Variants in DCST1 observed in about 807,000 individuals in gnomAD.
DCST1 encodes E3 ubiquitin-protein ligase DCST1.
DCST1 carries 78 observed loss-of-function variants against 89.1 expected under a neutral mutation model. That is an observed-to-expected ratio of 0.88 (90% CI 0.73 to 1.06). The LOEUF (loss-of-function observed/expected upper bound fraction) is 1.06. DCST1 is among the 50% of genes least tolerant of loss of function. The probability of loss-of-function intolerance (pLI) is 0.00; values close to 1 mark genes in which losing one functional copy is unlikely to be tolerated. For synonymous variants in DCST1, 364 were observed against 371.9 expected (o/e 0.98, Z 0.24); for missense variants, 900 against 928.6 (o/e 0.97, Z 0.40).
Position 155,034,554 on chromosome 1 carries a change from G to A in DCST1, c.181G>A (p.Ala61Thr). 1 of 1,613,772 alleles carries A rather than the reference G, an allele frequency of 6.2e-7. No individual in the cohort carries two copies. The highest frequency in any genetic ancestry group is 8.5e-7 in the Non-Finnish European group (1 of 1,180,024). Residue 61 changes from alanine to threonine, a missense_variant, in exon 3 of 17, where the codon GCC becomes ACC. Ala to Thr is a moderately conservative substitution (Grantham distance 58, BLOSUM62 0). Coordinates refer to ENST00000295542, the MANE Select transcript of DCST1 (RefSeq NM_152494.4). ...LLGAGAGGLL[A>T]IGLFQLLVNP... is the part of the protein sequence containing the mutation. ...GGGGGCAGGCGCTGGGGGGCTCCTG[G>A]CCATAGGTGAGTGTGGAAGCAGAAA... is the stretch of plus-strand genomic sequence containing the variant.
Position 155,049,777 on chromosome 1 carries a change from G to GA in DCST1, c.1870-834dup, listed in dbSNP as rs557461578. 2.6e-5 allele frequency among the ~76,000 whole-genome samples: 4 copies of GA among 152,076 alleles called. No homozygotes were observed. In the East Asian group the frequency reaches 5.8e-4, roughly 22 times the overall value. ...AATAGGGGCCAAATGAATGTGTTGT[G>GA]AAAAAATGAAAAACAAAAAACAAAA... On this transcript the variant is annotated intron_variant, in intron 16 of 16. Coordinates refer to ENST00000295542, the MANE Select transcript of DCST1 (RefSeq NM_152494.4).
chr1:155,039,388 G>A lies in DCST1; in HGVS notation c.263-15G>A. The stretch of plus-strand genomic sequence containing the variant: ...TCCTCACTTCAGCTCACCACCTCCT[G>A]GGCTCTCCTGACAGGCTTGGGGGCC... On this transcript the variant is annotated splice_polypyrimidine_tract_variant and intron_variant, in intron 4 of 16. Transcript: ENST00000295542. The A allele has an allele frequency of 6.5e-7, 1 of 1,546,284 alleles. No homozygotes were observed. Among genetic ancestry groups the A allele is most frequent in the Non-Finnish European group, 8.7e-7 (1 of 1,144,352 alleles).
intron 1 of DCST1, 42 bp downstream of exon 1, chr1:155,033,896 A>G: frequency 7.6e-7 from 1 of 1,308,376 alleles, no homozygotes; most frequent in Non-Finnish European, 1.1e-6. Context: ...GAGCAGAAGG[A>G]TTAAAAGGCC....
chr1:155,037,192 A>G (rs1378977594), intron 4 of DCST1, among the ~76,000 whole-genome samples: 1 of 151,746 alleles, frequency 6.6e-6, no homozygotes, highest in Non-Finnish European at 1.5e-5. Flanking sequence ...CTCTCCCAGG[A>G]GCTCTCCCTC....
intron 4 of DCST1, among the ~76,000 whole-genome samples, chr1:155,038,076 G>A (rs897945136): frequency 6.6e-6 from 1 of 152,256 alleles, no homozygotes; most frequent in Non-Finnish European, 1.5e-5. Flanking sequence ...GGTGGCACCC[G>A]ACAGGGTTTG....
At chr1:155,050,203 G>C (rs1435796465) in intron 16 of DCST1, among the ~76,000 whole-genome samples, 1 of 152,226 alleles carries the variant, frequency 6.6e-6, no homozygotes, top group Admixed American at 6.5e-5. Flanking sequence ...TTGTGGTTTG[G>C]AATCAGGGCC....
chr1:155,044,908 G>T (rs1295114054), intron 10 of DCST1, among the ~76,000 whole-genome samples: 1 of 152,216 alleles, frequency 6.6e-6, no homozygotes, highest in Non-Finnish European at 1.5e-5. Context: ...GCTTGAGATG[G>T]TGGGGGAAGG....
intron 10 of DCST1, chr1:155,045,427 C>T (rs1660586526): frequency 9.4e-6 from 2 of 212,226 alleles, no homozygotes; most frequent in African/African-American, 2.3e-5. Context: ...GAGTTTTGCC[C>T]CAGCACACTT....
chr1:155,042,968 G>A, intron 9 of DCST1, 112 bp downstream of exon 9: 1 of 1,474,792 alleles, frequency 6.8e-7, no homozygotes, highest in Non-Finnish European at 9.1e-7. Context: ...GAGGTGACCA[G>A]GGGTGAGGGA....
intron 16 of DCST1, chr1:155,048,846 A>C (rs1660750185): frequency 1.8e-6 from 1 of 551,892 alleles, no homozygotes; most frequent in Admixed American, 3.2e-5. Context: ...TGCAGACCAG[A>C]AGCTCAGTGC....
chr1:155,039,594 G>A, intron 5 of DCST1, 63 bp downstream of exon 5: 8 of 1,463,210 alleles, frequency 5.5e-6, no homozygotes, highest in South Asian at 3.0e-5. Context: ...CATCCAATGG[G>A]AGCCAGGCCG....
At chr1:155,034,243 C>T in intron 2 of DCST1, 146 bp downstream of exon 2, 1 of 1,536,998 alleles carries the variant, frequency 6.5e-7, no homozygotes, top group South Asian at 1.1e-5. Flanking sequence ...CCCAGCCCAG[C>T]CCTTGCCTTT....
chr1:155,049,721 G>T (rs114978918), intron 16 of DCST1, among the ~76,000 whole-genome samples: 2,453 of 152,106 alleles, frequency 0.016, 83 homozygotes, highest in African/African-American at 0.05. Flanking sequence ...TTTTCCCTAG[G>T]GCCTGGATAC....
chr1:155,034,857 T>A, intron 4 of DCST1, 130 bp downstream of exon 4: 8 of 994,098 alleles, frequency 8.0e-6, no homozygotes. Context: ...CGCCTCCTCC[T>A]GGGCTTTACG....
chr1:155,047,773 T>C lies in DCST1; in HGVS notation c.1613-14T>C. The C allele has an allele frequency of 6.2e-7, 1 of 1,612,370 alleles. No homozygotes were observed. The highest frequency in any genetic ancestry group is 8.5e-7 in the Non-Finnish European group (1 of 1,179,762). On this transcript the variant is annotated splice_polypyrimidine_tract_variant and intron_variant, in intron 14 of 16. Coordinates refer to ENST00000295542, the MANE Select transcript of DCST1 (RefSeq NM_152494.4). Reference sequence around the variant, plus strand: ...GCTGGTCCTGACCAGACCCCTGGCCTGCCCCTCCCCTAGCCTGCCTGCCCC... The same window carrying C: ...GCTGGTCCTGACCAGACCCCTGGCCCGCCCCTCCCCTAGCCTGCCTGCCCC...
In DCST1 at chr1:155,050,531, T is replaced by C. The variant is rs1036049721; in HGVS notation, c.1870-86T>C. 11 of 1,450,314 alleles carry C rather than the reference T, an allele frequency of 7.6e-6. No homozygotes were observed. In the African/African-American group the frequency reaches 1.4e-4, roughly 19 times the overall value. The allele number at this position is 1,450,314 out of a possible 1,614,324, so 89.8% of individuals were successfully genotyped here. On this transcript the variant is annotated intron_variant, in intron 16 of 16. Coordinates refer to ENST00000295542, the MANE Select transcript of DCST1 (RefSeq NM_152494.4). ...TCCAACACGCGGGAATTGTCAGGCC[T>C]GGCGACTTCAGACAGGAAACGCTGT...
intron 8 of DCST1, 117 bp from the exon 9 acceptor site, chr1:155,042,618 C>T (rs1660469424): frequency 2.1e-6 from 3 of 1,412,410 alleles, no homozygotes; most frequent in Non-Finnish European, 2.9e-6. Context: ...TGGTAGCAAG[C>T]CATGGGCAGA....
intron 4 of DCST1, among the ~76,000 whole-genome samples, chr1:155,037,343 T>C (rs1660306292): frequency 6.6e-6 from 1 of 151,938 alleles, no homozygotes; most frequent in Non-Finnish European, 1.5e-5. Context: ...AGTCTCTCAC[T>C]TGACATGTGA....
At position 155,043,417 on chromosome 1, in the gene DCST1, GGACTACGTGTACC is replaced by G; in HGVS notation, c.1082_1094del (p.Asp361AlafsTer89). ...GGGAGCGCGTGAGCACCGAGGTGCG[GGACTACGTGTACC>G]GCCAGGAGGCCCGGCTGGAGTGGGC... On this transcript the variant is annotated frameshift_variant, in exon 10 of 17. Coordinates refer to ENST00000295542, the MANE Select transcript of DCST1 (RefSeq NM_152494.4). LOFTEE classifies it high-confidence loss of function. The G allele has an allele frequency of 6.2e-7, 1 of 1,611,584 alleles. No homozygotes were observed. Among genetic ancestry groups the G allele is most frequent in the Non-Finnish European group, 8.5e-7 (1 of 1,178,370 alleles).
Sources: allele counts gnomAD v4.1 joint callset (sites outside exome capture counted in the v4.1 genomes callset), GRCh38; gene constraint gnomAD v4.1.1; transcripts MANE v1.5; gene names NCBI Gene and HGNC (gene_info 2026-07-23, HGNC 2026-07-21).